CACNA1D: variants seen among roughly 807,000 people sequenced by gnomAD.
CACNA1D encodes calcium voltage-gated channel subunit alpha1 D.
In CACNA1D, 55 loss-of-function variants were observed where a neutral mutation model predicts 257.1. The observed-to-expected ratio is 0.21, with a 90% confidence interval of 0.17 to 0.27. The LOEUF is 0.27. Among genes scored for constraint, CACNA1D ranks in the 10% least tolerant of loss-of-function variants. CACNA1D has a pLI of 1.00. For synonymous variants in CACNA1D, 980 were observed against 1,014.9 expected (o/e 0.97, Z 0.65); for missense variants, 1,876 against 2,784.0 (o/e 0.67, Z 7.34).
intron 30 of CACNA1D, among the ~76,000 whole-genome samples, chr3:53,768,988 AAG>A (rs1559654258): frequency 2.0e-5 from 3 of 152,286 alleles, no homozygotes; most frequent in Admixed American, 2.0e-4. Context: ...CTGAGGGGAA[AAG>A]AGAGGCTGGC....
rs1016673906 is a variant in CACNA1D, at chr3:53,666,606, AC to A, written c.1116+72del. The A allele has an allele frequency of 4.7e-6, 6 of 1,285,432 alleles. No homozygotes were observed. The African/African-American group carries it at 5.9e-5, about 13-fold the overall frequency. The allele number at this position is 1,285,432 out of a possible 1,614,324, so 79.6% of individuals were successfully genotyped here. A position where few individuals can be genotyped will look rare whatever the true frequency, so the allele number is the denominator to read the frequency against. ...TAAGTGGGTTTTGTGAGCTAGAGCC[AC>A]TGGAGAGGTGGCTGGAAAAGAAACC... is the stretch of plus-strand genomic sequence containing the variant. On this transcript the variant is annotated intron_variant, in intron 7 of 47. Transcript: ENST00000350061.
rs752934285 is a variant in CACNA1D, at chr3:53,761,962, T to C, written c.3787-36T>C. The C allele has an allele frequency of 4.2e-6, 6 of 1,436,348 alleles. No individual in the cohort carries two copies. The African/African-American group carries it at 8.4e-5, about 20-fold the overall frequency. 89.0% of individuals were successfully genotyped at this position (1,436,348 alleles called of 1,614,324 possible). ...GTCCGTGTGGTGGGTCATTCATACATGCTCATAAACATCTGCCCTCGCCTG... is the reference window on the plus strand; with the variant it reads ...GTCCGTGTGGTGGGTCATTCATACACGCTCATAAACATCTGCCCTCGCCTG... On this transcript the variant is annotated intron_variant, in intron 29 of 47. Transcript: ENST00000350061.
intron 3 of CACNA1D, among the ~76,000 whole-genome samples, chr3:53,586,135 C>G (rs2093211556): frequency 6.6e-6 from 1 of 152,188 alleles, no homozygotes; most frequent in Non-Finnish European, 1.5e-5. Context: ...CTCTCCTGAG[C>G]ATCCCAGTGA....
intron 7 of CACNA1D, among the ~76,000 whole-genome samples, chr3:53,672,466 T>G (rs1252708777): frequency 6.6e-6 from 1 of 152,186 alleles, no homozygotes; most frequent in Non-Finnish European, 1.5e-5. Context: ...TAGGTTGGTT[T>G]CCAGTAGAAG....
chr3:53,785,599 C>T (rs902869982), intron 39 of CACNA1D: 2 of 152,324 alleles, frequency 1.3e-5, no homozygotes, highest in East Asian at 1.9e-4. Flanking sequence ...TGGATGCCAC[C>T]GTCAGCACAT....
At chr3:53,555,435 T>TGG (rs1421353273) in intron 3 of CACNA1D, among the ~76,000 whole-genome samples, 1,209 of 95,988 alleles carry the variant, frequency 0.013, 26 homozygotes, top group African/African-American at 0.051. Context: ...CTTTTTCTGG[T>TGG]GGGTGTGTGT....
intron 7 of CACNA1D, 148 bp from the exon 8 acceptor site, chr3:53,672,875 T>C: frequency 1.7e-6 from 1 of 593,972 alleles, no homozygotes; most frequent in South Asian, 1.8e-5. Context: ...TTGGCTGCTG[T>C]TGTCTCTGAT....
intron 3 of CACNA1D, among the ~76,000 whole-genome samples, chr3:53,556,123 CT>C (rs1431266743): frequency 6.6e-6 from 1 of 152,058 alleles, no homozygotes; most frequent in East Asian, 1.9e-4. Flanking sequence ...AGAAATCGTT[CT>C]TTTTTATTGC....
Position 53,735,303 on chromosome 3 carries a change from C to T in CACNA1D, c.2622-71C>T, listed in dbSNP as rs549733393. The stretch of plus-strand genomic sequence containing the variant: ...TGCCTGGCCTCTTGCTGCAGTGGCC[C>T]CACACTCTTAAGGACCCAGTGTGTT... On this transcript the variant is annotated intron_variant, in intron 19 of 47. Transcript: ENST00000350061. 15 of 1,447,850 alleles carry T rather than the reference C, an allele frequency of 1.0e-5. 2 individuals carry two copies. The highest frequency in any genetic ancestry group is 5.6e-5 in the African/African-American group (4 of 72,060). 89.7% of individuals were successfully genotyped at this position (1,447,850 alleles called of 1,614,324 possible).
intron 3 of CACNA1D, among the ~76,000 whole-genome samples, chr3:53,529,339 C>T (rs1045068136): frequency 1.3e-5 from 2 of 152,152 alleles, no homozygotes; most frequent in Admixed American, 6.5e-5. Flanking sequence ...ATTTTGCATT[C>T]CCAGGACGCA....
At chr3:53,610,815 G>C (rs942984638) in intron 3 of CACNA1D, among the ~76,000 whole-genome samples, 1 of 151,740 alleles carries the variant, frequency 6.6e-6, no homozygotes, top group African/African-American at 2.4e-5. Context: ...CTCTGTATAC[G>C]TGTATTTACC....
In CACNA1D at chr3:53,691,813, T is replaced by A. The variant is rs796899819; in HGVS notation, c.1221-10828T>A. 8.9e-3 allele frequency among the ~76,000 whole-genome samples: 790 copies of A among 89,142 alleles called. 8 individuals are homozygous for A. Among genetic ancestry groups the A allele is most frequent in the East Asian group, 0.029 (100 of 3,494 alleles). 58.5% of individuals were successfully genotyped at this position (89,142 alleles called of 152,430 possible). ...ATATATATTACATATATAATATATA[T>A]TATATATTATATCTATAATATATAT... On this transcript the variant is annotated intron_variant, in intron 8 of 47. Transcript: ENST00000350061.
chr3:53,800,555 A>G lies in CACNA1D; in HGVS notation c.5040+190A>G. 1.5e-6 allele frequency: 1 copy of G among 667,798 alleles called. No individual in the cohort carries two copies. The highest frequency in any genetic ancestry group is 1.5e-5 in the South Asian group (1 of 64,522). 41.4% of individuals were successfully genotyped at this position (667,798 alleles called of 1,614,324 possible). A position where few individuals can be genotyped will look rare whatever the true frequency, so the allele number is the denominator to read the frequency against. On this transcript the variant is annotated intron_variant, in intron 41 of 47. Coordinates refer to ENST00000350061, the MANE Select transcript of CACNA1D (RefSeq NM_001128840.3). This position sits in a 1 kb window ranked among gnomAD's most constrained non-coding sequence, Gnocchi z 4.3. ...AGGCATCAGCACCTCTTCTAGGGCC[A>G]GGCCAGCTCTTTCCCTGAGCTTACC... is the stretch of plus-strand genomic sequence containing the variant.
chr3:53,508,637 C>T (rs757413457), intron 3 of CACNA1D, among the ~76,000 whole-genome samples: 4 of 152,158 alleles, frequency 2.6e-5, no homozygotes, highest in African/African-American at 9.7e-5. Flanking sequence ...AAACAGAGAC[C>T]TCTGTAGCAG....
chr3:53,511,437 T>C (rs1320113743), intron 3 of CACNA1D, among the ~76,000 whole-genome samples: 1 of 151,950 alleles, frequency 6.6e-6, no homozygotes, highest in East Asian at 2.0e-4. Flanking sequence ...GAGCAGCACT[T>C]TCTAGGAAGC....
chr3:53,632,353 AAG>A (rs1282855411), intron 3 of CACNA1D, among the ~76,000 whole-genome samples: 1 of 152,214 alleles, frequency 6.6e-6, no homozygotes, highest in East Asian at 1.9e-4. Flanking sequence ...TATAGAATTT[AAG>A]AGAGTTAGGG....
chr3:53,497,058 C>T (rs2090381885), intron 1 of CACNA1D, 94 bp from the exon 2 acceptor site: 1 of 910,764 alleles, frequency 1.1e-6, no homozygotes, highest in Non-Finnish European at 1.7e-6. Context: ...AATGATTCCC[C>T]TGTTATTGAT....
intron 9 of CACNA1D, among the ~76,000 whole-genome samples, chr3:53,711,169 C>T (rs866149071): frequency 6.6e-6 from 1 of 152,042 alleles, no homozygotes; most frequent in Non-Finnish European, 1.5e-5. Context: ...ATTGCATAAG[C>T]CCAGGAGTTC....
rs1248610586 is a variant in CACNA1D, at chr3:53,494,732, G to GCGGGCAC, written c.-425_-419dup. On this transcript the variant is annotated 5_prime_UTR_variant, in exon 1 of 48. Coordinates refer to ENST00000350061, the MANE Select transcript of CACNA1D (RefSeq NM_001128840.3). ...GCCAGCGGCGGCGCGGGCGGCGGCGGCGGGCACCGGGCACCGCGGCGGGCG... is the reference window on the plus strand; with the variant it reads ...GCCAGCGGCGGCGCGGGCGGCGGCGGCGGGCACCGGGCACCGGGCACCGCGGCGGGCG... 2 of 146,558 alleles carry GCGGGCAC rather than the reference G, an allele frequency of 1.4e-5. No homozygotes were observed. Among genetic ancestry groups the GCGGGCAC allele is most frequent in the African/African-American group, 4.9e-5 (2 of 40,720 alleles). The allele number at this position is 146,558 out of a possible 1,614,324, so 9.1% of individuals were successfully genotyped here.
Sources: gnomAD v4.1 joint callset for allele counts (sites outside exome capture counted in the v4.1 genomes callset) on GRCh38, gnomAD v4.1.1 for gene constraint, Gnocchi (gnomAD v3.1) non-coding constraint, MANE v1.5 for transcripts, NCBI Gene and HGNC (gene_info 2026-07-23, HGNC 2026-07-21) for gene names.